PIKFYVE: variants seen among roughly 807,000 people sequenced by gnomAD.
The protein encoded by PIKFYVE is 1-phosphatidylinositol 3-phosphate 5-kinase.
PIKFYVE carries 122 observed loss-of-function variants against 257.9 expected under a neutral mutation model. That is an observed-to-expected ratio of 0.47 (90% confidence interval 0.41 to 0.55). PIKFYVE has a LOEUF of 0.55. PIKFYVE is among the 20% of genes least tolerant of loss of function. PIKFYVE has a pLI of 0.00. For missense variants in PIKFYVE, 2,160 were observed against 2,536.6 expected (o/e 0.85, Z 3.19); for synonymous variants, 892 against 868.9 (o/e 1.03, Z -0.47).
intron 1 of PIKFYVE, among the ~76,000 whole-genome samples, chr2:208,267,502 G>GTTTTTTTTTT (rs376773052): frequency 1.8e-5 from 2 of 109,132 alleles, no homozygotes; most frequent in African/African-American, 3.8e-5. Flanking sequence ...TACATTGCCA[G>GTTTTTTTTTT]TTTTTTTTTT....
chr2:208,332,006 A>G lies in PIKFYVE; in HGVS notation c.3964-1309A>G, dbSNP rs185800335. ...CTATATGCACTTTATTTTGAAACAA[A>G]AACTTCTGCTTTTTTATGCTAGAAA... is the stretch of plus-strand genomic sequence containing the variant. On this transcript the variant is annotated intron_variant, in intron 23 of 41. Transcript: ENST00000264380. Among the ~76,000 whole-genome samples the G allele has an allele frequency of 4.6e-3, 707 of 152,126 alleles. 4 individuals are homozygous for G. The highest frequency in any genetic ancestry group is 0.016 in the African/African-American group (668 of 41,394).
intron 17 of PIKFYVE, among the ~76,000 whole-genome samples, chr2:208,323,276 A>C (rs1315230251): frequency 1.3e-5 from 1 of 77,276 alleles, no homozygotes; most frequent in African/African-American, 5.1e-5. Context: ...CCACCCCACA[A>C]CAGTCCCCAG....
chr2:208,351,206 G>GT (rs1699743811), intron 37 of PIKFYVE, 146 bp from the exon 38 acceptor site: 1 of 860,442 alleles, frequency 1.2e-6, no homozygotes, highest in African/African-American at 1.7e-5. Flanking sequence ...TGAGAATTGT[G>GT]TTCTGATCAA....
chr2:208,345,085 G>C, intron 32 of PIKFYVE, 26 bp from the exon 33 acceptor site: 1 of 1,476,258 alleles, frequency 6.8e-7, no homozygotes, highest in Non-Finnish European at 9.4e-7. Context: ...AATGTTTAAC[G>C]TTTTTCAACC....
Position 208,288,761 on chromosome 2 carries a change from T to C in PIKFYVE, c.854T>C (p.Leu285Pro), listed in dbSNP as rs772576580. 1.7e-5 allele frequency: 28 copies of C among 1,613,972 alleles called. No homozygotes were observed. The highest frequency in any genetic ancestry group is 1.9e-5 in the Non-Finnish European group (23 of 1,179,986). Residue 285 changes from leucine (L) to proline (P), a missense_variant, in exon 7 of 42, where the codon CTT becomes CCT. This residue lies in a region of PIKFYVE where 187 missense variants were observed against 185.6 expected (regional missense o/e 1.01). Transcript: ENST00000264380. ...LIHPDSSNTP[L>P]STRLVSVQED... ...CATCCAGATTCCTCAAATACTCCTC[T>C]TTCAACAAGACTTGTATCTGTGCAA...
intron 35 of PIKFYVE, 47 bp downstream of exon 35, chr2:208,348,070 T>G: frequency 6.3e-7 from 1 of 1,594,502 alleles, no homozygotes; most frequent in South Asian, 1.1e-5. Context: ...TTTGATTTAT[T>G]TATTTTAGTT....
intron 9 of PIKFYVE, 148 bp downstream of exon 9, chr2:208,301,242 C>A: frequency 1.9e-6 from 2 of 1,027,596 alleles, no homozygotes; most frequent in South Asian, 1.6e-5. Flanking sequence ...AATTACTTAA[C>A]CCTCCTCCAA....
At chr2:208,350,693 G>A (rs897641880) in intron 36 of PIKFYVE, 78 bp from the exon 37 acceptor site, 1 of 1,501,048 alleles carries the variant, frequency 6.7e-7, no homozygotes, top group Non-Finnish European at 9.2e-7. Context: ...TTTGGCCAGG[G>A]TAGGGAGTGA....
At chr2:208,285,431 T>C (rs1691438032) in intron 5 of PIKFYVE, among the ~76,000 whole-genome samples, 1 of 152,184 alleles carries the variant, frequency 6.6e-6, no homozygotes, top group Admixed American at 6.5e-5. Flanking sequence ...TAAATGTTTA[T>C]GGTAGTTTGG....
chr2:208,340,205 A>G, intron 31 of PIKFYVE, 74 bp downstream of exon 31: 2 of 1,540,098 alleles, frequency 1.3e-6, no homozygotes, highest in South Asian at 2.3e-5. Context: ...ATATTTAAAT[A>G]TATTTATCTG....
At chr2:208,268,489 T>C (rs1413981170) in intron 1 of PIKFYVE, among the ~76,000 whole-genome samples, 1 of 147,536 alleles carries the variant, frequency 6.8e-6, no homozygotes, top group East Asian at 2.0e-4. Context: ...TTGACTAGGC[T>C]GGTCTGGAAC....
At chr2:208,291,734 T>C (rs1416280449) in intron 7 of PIKFYVE, among the ~76,000 whole-genome samples, 1 of 152,124 alleles carries the variant, frequency 6.6e-6, no homozygotes, top group African/African-American at 2.4e-5. Context: ...GGCTGGATAC[T>C]TACTGATTTT....
At chr2:208,271,486 T>C in intron 1 of PIKFYVE, 25 bp from the exon 2 acceptor site, 1 of 1,612,066 alleles carries the variant, frequency 6.2e-7, no homozygotes, top group Non-Finnish European at 8.5e-7. Flanking sequence ...AATTTAGATT[T>C]TTGCTTGTTT....
chr2:208,323,642 G>A (rs1334065198), intron 17 of PIKFYVE, among the ~76,000 whole-genome samples: 1 of 152,082 alleles, frequency 6.6e-6, no homozygotes, highest in Non-Finnish European at 1.5e-5. Context: ...GGGATGGCTG[G>A]GTCAAATGGT....
Position 208,351,407 on chromosome 2 carries a change from C to G in PIKFYVE, c.5667C>G (p.Asp1889Glu), listed in dbSNP as rs201297465. The part of the protein sequence containing the change: ...MPRLEVQSFL[D>E]FAPHYFNYIT... ...GTCTGGAAGTCCAGTCCTTCCTCGA[C>G]TTTGCACCACATTACTTCAATTATA... Residue 1889 changes from aspartate to glutamate, a missense_variant, in exon 38 of 42, where the codon GAC (aspartate) becomes GAG (glutamate). Asp to Glu is a conservative substitution (Grantham distance 45). This residue lies in a region of PIKFYVE where 699 missense variants were observed against 855.8 expected (regional missense o/e 0.82). Coordinates refer to ENST00000264380, the MANE Select transcript of PIKFYVE (RefSeq NM_015040.4). 1 of 1,613,886 alleles carries G rather than the reference C, an allele frequency of 6.2e-7. No homozygotes were observed. Among genetic ancestry groups the G allele is most frequent in the Non-Finnish European group, 8.5e-7 (1 of 1,179,764 alleles).
intron 7 of PIKFYVE, among the ~76,000 whole-genome samples, chr2:208,289,569 A>G (rs1393310597): frequency 6.6e-6 from 1 of 152,116 alleles, no homozygotes; most frequent in Non-Finnish European, 1.5e-5. Context: ...AGCTGGGACT[A>G]CAGGCGCCCA....
chr2:208,271,490 C>T, intron 1 of PIKFYVE, 21 bp from the exon 2 acceptor site: 1 of 1,612,810 alleles, frequency 6.2e-7, no homozygotes, highest in South Asian at 1.1e-5. Context: ...TAGATTTTTG[C>T]TTGTTTCTTT....
rs898586866 is a variant in PIKFYVE at position 208,339,274 on chromosome 2, T to G, written c.4673-144T>G. On this transcript the variant is annotated intron_variant, in intron 29 of 41. Transcript: ENST00000264380. ...GATTTTTGTGTCCATTTCTATGACA[T>G]GAGCTATATGACCTAGATGATTTTT... The G allele has an allele frequency of 9.3e-6, 8 of 858,224 alleles. No individual in the cohort carries two copies. The African/African-American group carries it at 1.0e-4, about 11-fold the overall frequency. 53.2% of individuals were successfully genotyped at this position (858,224 alleles called of 1,614,324 possible).
At chr2:208,287,153 G>C (rs1691679813) in intron 6 of PIKFYVE, among the ~76,000 whole-genome samples, 1 of 152,068 alleles carries the variant, frequency 6.6e-6, no homozygotes, top group African/African-American at 2.4e-5. Flanking sequence ...CTGAAATGTG[G>C]TAACACTTAA....
Sources: allele counts gnomAD v4.1 joint callset (sites outside exome capture counted in the v4.1 genomes callset), GRCh38; gene constraint gnomAD v4.1.1; regional missense constraint gnomAD v4.1.1; transcripts MANE v1.5; gene names NCBI Gene and HGNC (gene_info 2026-07-23, HGNC 2026-07-21).